Variants in ASPH observed in about 807,000 individuals in gnomAD.
ASPH encodes aspartate beta-hydroxylase, also known as aspartyl/asparaginyl beta-hydroxylase.
In ASPH, 100 loss-of-function variants were observed where a neutral mutation model predicts 118.4. That is an observed-to-expected ratio of 0.84 (90% CI 0.72 to 1.00). ASPH has a LOEUF of 1.00. Among genes scored for constraint, ASPH ranks in the 50% least tolerant of loss-of-function variants. ASPH has a pLI of 0.00. For missense variants in ASPH, 920 were observed against 919.5 expected, an observed-to-expected ratio of 1.00 and a Z score of -0.01; for synonymous variants, 315 against 325.6, an observed-to-expected ratio of 0.97 and a Z score of 0.35.
In ASPH at chr8:61,562,867, A is replaced by G. The variant is rs746067404; in HGVS notation, c.1314T>C (p.Gly438=). Residue 438 remains glycine, a synonymous_variant, in exon 18 of 25, where the codon GGT becomes GGC. Transcript: ENST00000379454. ...DRQQFLGHMR[G]SLLTLQRLVQ... ...CTAATCTCTGCAGGGTAAGCAGGGA[A>G]CCTCTCATATGACCTGAGTAGGTGG... The G allele has an allele frequency of 9.4e-6, 15 of 1,603,848 alleles. No individual in the cohort carries two copies. The highest frequency in any genetic ancestry group is 1.3e-5 in the Non-Finnish European group (15 of 1,176,598).
intron 1 of ASPH, among the ~76,000 whole-genome samples, chr8:61,690,658 A>G (rs913718686): frequency 3.9e-5 from 6 of 152,236 alleles, no homozygotes; most frequent in Non-Finnish European, 7.3e-5. Flanking sequence ...TAGTATCTAG[A>G]GCAGGCAGCA....
intron 3 of ASPH, among the ~76,000 whole-genome samples, chr8:61,671,425 A>T (rs2151452746): frequency 6.6e-6 from 1 of 152,344 alleles, no homozygotes; most frequent in Middle Eastern, 3.4e-3. Context: ...AAGTAGTAGG[A>T]AGAAAATTCT....
chr8:61,704,776 C>A (rs1836179370), intron 1 of ASPH, among the ~76,000 whole-genome samples: 1 of 152,004 alleles, frequency 6.6e-6, no homozygotes, highest in Admixed American at 6.5e-5. Context: ...AGTAAGAAGC[C>A]ACGGCATACC....
intron 14 of ASPH, among the ~76,000 whole-genome samples, chr8:61,584,912 C>T (rs1838871540): frequency 1.3e-5 from 2 of 152,164 alleles, no homozygotes; most frequent in African/African-American, 4.8e-5. Flanking sequence ...AACCACGCTC[C>T]TTATAAAGTT....
In ASPH at chr8:61,668,375, AAT is replaced by A. The variant is rs1240385411; in HGVS notation, c.322+12591_322+12592del. ...ATAGGTAAAATCAATGCCACTATAA[AAT>A]ATGTTAAGTTAGTTAAATTCATCAT... On this transcript the variant is annotated intron_variant, in intron 3 of 24. Transcript: ENST00000379454. 9 of 897,388 alleles carry A rather than the reference AAT, an allele frequency of 1.0e-5. No homozygotes were observed. In the African/African-American group the frequency reaches 1.0e-4, roughly 10 times the overall value. The allele number at this position is 897,388 out of a possible 1,614,324, so 55.6% of individuals were successfully genotyped here.
At chr8:61,578,990 C>G (rs151156995) in intron 15 of ASPH, 1 of 1,610,666 alleles carries the variant, frequency 6.2e-7, no homozygotes, top group Non-Finnish European at 8.5e-7. Flanking sequence ...TGGACATGGA[C>G]AGCATCATTG....
At chr8:61,581,732 C>A (rs10097753) in intron 15 of ASPH, among the ~76,000 whole-genome samples, 132,405 of 152,160 alleles carry the variant, frequency 0.87, 57,850 homozygotes, top group African/African-American at 0.91. Context: ...TATTTGATTA[C>A]ATTTTCTTTA....
chr8:61,669,133 T>C (rs1821129017), intron 3 of ASPH, among the ~76,000 whole-genome samples: 1 of 152,208 alleles, frequency 6.6e-6, no homozygotes, highest in South Asian at 2.1e-4. Flanking sequence ...AACGAAGGTC[T>C]AAGGTGTGGT....
intron 3 of ASPH, among the ~76,000 whole-genome samples, chr8:61,672,169 G>C (rs897522663): frequency 6.6e-6 from 1 of 152,116 alleles, no homozygotes; most frequent in East Asian, 1.9e-4. Flanking sequence ...TCTACTCTTA[G>C]TAAAATGCAT....
At chr8:61,613,728 A>C (rs1848175641) in intron 14 of ASPH, among the ~76,000 whole-genome samples, 1 of 152,192 alleles carries the variant, frequency 6.6e-6, no homozygotes, top group Admixed American at 6.5e-5. Context: ...GATTAGGAAG[A>C]GCATTTTGAA....
At chr8:61,540,949 G>GAA (rs199630253) in intron 21 of ASPH, among the ~76,000 whole-genome samples, 6 of 150,266 alleles carry the variant, frequency 4.0e-5, no homozygotes, top group African/African-American at 1.5e-4. Context: ...AATAAGAATT[G>GAA]AAAAAAAAAT....
chr8:61,538,694 A>C (rs1220379914), intron 21 of ASPH, among the ~76,000 whole-genome samples: 1 of 152,224 alleles, frequency 6.6e-6, no homozygotes, highest in Non-Finnish European at 1.5e-5. Flanking sequence ...GTGCTATTCT[A>C]ATCAATCATT....
intron 14 of ASPH, among the ~76,000 whole-genome samples, chr8:61,609,186 C>G (rs1420562997): frequency 4.6e-5 from 7 of 152,168 alleles, no homozygotes; most frequent in Non-Finnish European, 1.0e-4. Context: ...CGTGGCAGGG[C>G]TAGCGACGGG....
At chr8:61,682,331 G>T (rs1362350779) in intron 2 of ASPH, 3 of 1,141,540 alleles carry the variant, frequency 2.6e-6, no homozygotes, top group Non-Finnish European at 3.8e-6. Context: ...ATGGGAAATT[G>T]GTCCTATCAC....
At position 61,714,475 on chromosome 8, in the gene ASPH, G is replaced by A. The variant is rs1021497314; in HGVS notation, c.-104C>T. ...TGGCGGCGGCGGGCCGCTGGAGCGGGTTCGGGCCGCTGCTCCTGCAGCAGA... is the reference window on the plus strand; with the variant it reads ...TGGCGGCGGCGGGCCGCTGGAGCGGATTCGGGCCGCTGCTCCTGCAGCAGA... On this transcript the variant is annotated 5_prime_UTR_variant, in exon 1 of 25. Coordinates refer to ENST00000379454, the MANE Select transcript of ASPH (RefSeq NM_004318.4). 17 of 1,349,780 alleles carry A rather than the reference G, an allele frequency of 1.3e-5. No individual in the cohort carries two copies. Among genetic ancestry groups the A allele is most frequent in the Admixed American group, 3.7e-5 (1 of 26,920 alleles). The allele number at this position is 1,349,780 out of a possible 1,614,324, so 83.6% of individuals were successfully genotyped here.
intron 18 of ASPH, among the ~76,000 whole-genome samples, chr8:61,562,009 A>G (rs1247907024): frequency 2.6e-5 from 4 of 152,204 alleles, no homozygotes; most frequent in Non-Finnish European, 5.9e-5. Flanking sequence ...AGACTTCACC[A>G]GCTTGAAAAC....
intron 1 of ASPH, among the ~76,000 whole-genome samples, chr8:61,691,528 A>T (rs1307841425): frequency 6.6e-6 from 1 of 152,220 alleles, no homozygotes; most frequent in African/African-American, 2.4e-5. Flanking sequence ...TATTAAGACA[A>T]ATATTCTGGA....
At chr8:61,560,043 A>T (rs1313705180) in intron 18 of ASPH, among the ~76,000 whole-genome samples, 2 of 152,236 alleles carry the variant, frequency 1.3e-5, no homozygotes, top group African/African-American at 2.4e-5. Context: ...GTTAATCAGA[A>T]GTTAAAATGA....
intron 21 of ASPH, among the ~76,000 whole-genome samples, chr8:61,538,137 C>CA (rs1239218099): frequency 6.6e-6 from 1 of 152,030 alleles, no homozygotes; most frequent in African/African-American, 2.4e-5. Flanking sequence ...GATAAAAAAA[C>CA]AAAAAACAAC....
Sources: allele counts gnomAD v4.1 joint callset (sites outside exome capture counted in the v4.1 genomes callset), GRCh38; gene constraint gnomAD v4.1.1; transcripts MANE v1.5; gene names NCBI Gene and HGNC (gene_info 2026-07-23, HGNC 2026-07-21).